Variants in ASB11 observed in about 807,000 individuals in gnomAD.
ASB11 encodes ankyrin repeat and SOCS box protein 11.
Under a neutral mutation model 20.1 loss-of-function variants are expected in ASB11, and 17 were observed. The observed-to-expected ratio is 0.85, with a 90% CI of 0.58 to 1.27. The LOEUF is 1.27. ASB11 is among the 50% of genes most tolerant of loss of function. The probability of loss-of-function intolerance (pLI) is 0.00; values close to 1 mark genes in which losing one functional copy is unlikely to be tolerated. For synonymous variants in ASB11, 107 were observed against 105.6 expected (o/e 1.01, Z -0.08); for missense variants, 259 against 256.9 (o/e 1.01, Z -0.06).
intron 3 of ASB11, among the ~76,000 whole-genome samples, chrX:15,294,175 C>T (rs1920951290): frequency 8.9e-6 from 1 of 111,945 alleles, no homozygotes; most frequent in East Asian, 2.8e-4. Context: ...TGGGAGACAT[C>T]TTTGTGTATC....
intron 2 of ASB11, among the ~76,000 whole-genome samples, chrX:15,301,404 G>A (rs762835647): frequency 1.8e-5 from 2 of 112,194 alleles, no homozygotes; most frequent in Non-Finnish European, 3.8e-5. Context: ...TTTGATCATT[G>A]CTGGCAGTGC....
chrX:15,286,155 G>C (rs1200236055), intron 6 of ASB11, among the ~76,000 whole-genome samples: 1 of 111,393 alleles, frequency 9.0e-6, no homozygotes, highest in Non-Finnish European at 1.9e-5. Flanking sequence ...ATGAGAATCT[G>C]TATTTTAAGG....
At chrX:15,314,543 T>G in intron 1 of ASB11, 1 of 1,146,615 alleles carries the variant, frequency 8.7e-7, no homozygotes. Context: ...TGTTGTCTAG[T>G]GTCTTCTGAG....
intron 6 of ASB11, among the ~76,000 whole-genome samples, chrX:15,287,170 A>G (rs1927409537): frequency 9.0e-6 from 1 of 111,606 alleles, no homozygotes; most frequent in African/African-American, 3.3e-5. Flanking sequence ...TTTCTGAAAT[A>G]CTCTGTGTCC....
At position 15,301,509 on chromosome X, in the gene ASB11, A is replaced by G. The variant is rs756730250; in HGVS notation, c.261+1219T>C. Among the ~76,000 whole-genome samples the G allele has an allele frequency of 4.5e-5, 5 of 111,345 alleles. No individual in the cohort carries two copies. In the South Asian group the frequency reaches 1.9e-3, roughly 42 times the overall value. On this transcript the variant is annotated intron_variant, in intron 2 of 6. Coordinates refer to ENST00000480796, the MANE Select transcript of ASB11 (RefSeq NM_080873.3). ...ATGAAAAATACATACACATGCACAC[A>G]CAGACAGAGAGAGAGAGACAGAGAG...
chrX:15,286,963 T>C (rs1177219938), intron 6 of ASB11, among the ~76,000 whole-genome samples: 1 of 112,026 alleles, frequency 8.9e-6, no homozygotes, highest in African/African-American at 3.2e-5. Context: ...TCCGAAAATA[T>C]TTTCTTACTG....
intron 3 of ASB11, among the ~76,000 whole-genome samples, chrX:15,295,150 C>G: frequency 9.0e-6 from 1 of 111,275 alleles, no homozygotes; most frequent in Non-Finnish European, 1.9e-5. Flanking sequence ...TCAAGAGATT[C>G]TGCTGCCTTA....
At chrX:15,310,209 T>C (rs1451760213) in intron 1 of ASB11, among the ~76,000 whole-genome samples, 4 of 110,671 alleles carry the variant, frequency 3.6e-5, no homozygotes, top group Admixed American at 2.0e-4. Context: ...AAACTGGAGC[T>C]AATTGTGAGA....
chrX:15,284,905 G>A (rs144179935), intron 6 of ASB11, among the ~76,000 whole-genome samples: 2,610 of 111,642 alleles, frequency 0.023, 81 homozygotes, highest in African/African-American at 0.08. Flanking sequence ...CTGCATATGC[G>A]AATAGCCAGG....
chrX:15,315,448 T>C lies in ASB11; in HGVS notation c.158A>G (p.Glu53Gly). ...GNRKEAARIA[E>G]EIYGGISDCW... Reference sequence around the variant, plus strand: ...ACCTGAAATTCCACCATAGATCTCTTCTGCTATCCTAGCCGCTTCTTTTCT... The same window carrying C: ...ACCTGAAATTCCACCATAGATCTCTCCTGCTATCCTAGCCGCTTCTTTTCT... The change falls in exon 1 of 7, where the codon GAA becomes GGA. Residue 53 changes from glutamate (E) to glycine (G), a missense_variant. Transcript: ENST00000480796. The C allele has an allele frequency of 8.8e-7, 1 of 1,133,503 alleles. No homozygotes were observed. The highest frequency in any genetic ancestry group is 1.2e-6 in the Non-Finnish European group (1 of 860,861). The allele number at this position is 1,133,503 out of a possible 1,213,427, so 93.4% of individuals were successfully genotyped here. A position where few individuals can be genotyped will look rare whatever the true frequency, so the allele number is the denominator to read the frequency against.
rs757032478 is a variant in ASB11 at position 15,283,169 on chromosome X, C to G, written c.*336G>C. ...CTTATCCACCTGAATTTATATGTGT[C>G]TATACAATATTCAGAATGTTGACTT... On this transcript the variant is annotated 3_prime_UTR_variant, in exon 7 of 7. Transcript: ENST00000480796. 8.4e-5 allele frequency: 12 copies of G among 143,124 alleles called. No homozygotes were observed. The highest frequency in any genetic ancestry group is 1.6e-4 in the Non-Finnish European group (12 of 72,840). 11.8% of individuals were successfully genotyped at this position (143,124 alleles called of 1,213,427 possible). A position where few individuals can be genotyped will look rare whatever the true frequency, so the allele number is the denominator to read the frequency against.
At chrX:15,302,343 T>C (rs1921094421) in intron 2 of ASB11, among the ~76,000 whole-genome samples, 1 of 112,487 alleles carries the variant, frequency 8.9e-6, no homozygotes, top group Non-Finnish European at 1.9e-5. Flanking sequence ...TCAGCCATTA[T>C]GCTTTGAGGT....
At chrX:15,304,029 G>A (rs1185765184) in intron 1 of ASB11, among the ~76,000 whole-genome samples, 2 of 113,036 alleles carry the variant, frequency 1.8e-5, no homozygotes, top group African/African-American at 6.4e-5. Context: ...TTTGCAAAAT[G>A]TAGGACTTTT....
At chrX:15,292,260 T>C (rs1051975066) in intron 4 of ASB11, among the ~76,000 whole-genome samples, 1 of 112,158 alleles carries the variant, frequency 8.9e-6, no homozygotes, top group Non-Finnish European at 1.9e-5. Context: ...AGTGACATGT[T>C]TAATAACCTG....
rs143492892 is a variant in ASB11 at position 15,289,537 on chromosome X, T to A, written c.622A>T (p.Arg208Trp). Residue 208 changes from arginine to tryptophan, a missense_variant, in exon 5 of 7, where the codon AGG (arginine) becomes TGG (tryptophan). Physicochemically the swap from Arg to Trp is moderately radical, Grantham distance 101 (BLOSUM62 -3). Coordinates refer to ENST00000480796, the MANE Select transcript of ASB11 (RefSeq NM_080873.3). ...AGAAGTTTCTTCACACAGTCTACCC[T>A]CTGGTAGGTGCAGGCCACATATAGG... ...TPLYVACTYQ[R>W]VDCVKKLLEL... 4.4e-3 allele frequency: 5,290 copies of A among 1,207,176 alleles called. 16 individuals carry two copies. The highest frequency in any genetic ancestry group is 4.4e-3 in the Non-Finnish European group (3,959 of 893,418).
chrX:15,315,380 G>A, intron 1 of ASB11, 45 bp downstream of exon 1: 1 of 980,606 alleles, frequency 1.0e-6, no homozygotes, highest in Non-Finnish European at 1.3e-6. Context: ...AATTATCTAG[G>A]AGGGATTTTC....
At chrX:15,303,329 A>G (rs188059017) in intron 1 of ASB11, among the ~76,000 whole-genome samples, 1 of 111,207 alleles carries the variant, frequency 9.0e-6, no homozygotes, top group East Asian at 2.8e-4. Context: ...TAACACTAAC[A>G]ATATCTGATG....
chrX:15,287,671 T>C (rs1927426146), intron 6 of ASB11, among the ~76,000 whole-genome samples: 1 of 112,900 alleles, frequency 8.9e-6, no homozygotes, highest in Non-Finnish European at 1.9e-5. Flanking sequence ...AGCAACACTC[T>C]GGTTATAGGT....
At chrX:15,303,124 G>A (rs1189791485) in intron 1 of ASB11, among the ~76,000 whole-genome samples, 1 of 111,149 alleles carries the variant, frequency 9.0e-6, no homozygotes, top group Non-Finnish European at 1.9e-5. Context: ...CTCTATGTAA[G>A]GCAAAATGAA....
Sources: gnomAD v4.1 joint callset for allele counts (sites outside exome capture counted in the v4.1 genomes callset) on GRCh38, gnomAD v4.1.1 for gene constraint, MANE v1.5 for transcripts, NCBI Gene and HGNC (gene_info 2026-07-23, HGNC 2026-07-21) for gene names.